Variants in CCDC170 observed in about 807,000 individuals in gnomAD.
The protein encoded by CCDC170 is coiled-coil domain-containing protein 170.
In CCDC170, 69 loss-of-function variants were observed where a neutral mutation model predicts 72.6. The observed-to-expected ratio is 0.95, with a 90% CI of 0.78 to 1.16. The LOEUF is 1.16. CCDC170 is among the 50% of genes most tolerant of loss of function. The pLI is 0.00. For synonymous variants in CCDC170, 300 were observed against 303.9 expected (o/e 0.99, Z 0.13); for missense variants, 852 against 832.5 (o/e 1.02, Z -0.29).
chr6:151,516,154 C>T (rs1238530644), intron 1 of CCDC170, among the ~76,000 whole-genome samples: 1 of 151,824 alleles, frequency 6.6e-6, no homozygotes, highest in Non-Finnish European at 1.5e-5. Flanking sequence ...TAATGCTATA[C>T]TAGAGTCAGG....
chr6:151,508,004 T>G (rs1782089426), intron 1 of CCDC170, among the ~76,000 whole-genome samples: 1 of 151,962 alleles, frequency 6.6e-6, no homozygotes, highest in African/African-American at 2.4e-5. Flanking sequence ...TAATAGAAAA[T>G]TCAGTCTTAA....
rs578050260 is a variant in CCDC170 at position 151,503,854 on chromosome 6, G to A, written c.57+9669G>A. 5.4e-4 allele frequency among the ~76,000 whole-genome samples: 82 copies of A among 152,200 alleles called. 1 individual carries two copies. Among genetic ancestry groups the A allele is most frequent in the African/African-American group, 1.9e-3 (78 of 41,518 alleles). On this transcript the variant is annotated intron_variant, in intron 1 of 10. Transcript: ENST00000239374. ...AAGTTAATCATTTGGGGCACTTTTG[G>A]CAATTGGATAAGAGGTGTGTTTTTC...
chr6:151,531,507 G>A (rs1317686136), intron 1 of CCDC170, among the ~76,000 whole-genome samples: 2 of 152,172 alleles, frequency 1.3e-5, no homozygotes, highest in African/African-American at 2.4e-5. Flanking sequence ...GAGGGACTGA[G>A]GCAGGAGGAT....
At position 151,573,390 on chromosome 6, in the gene CCDC170, G is replaced by A. The variant is rs17855718; in HGVS notation, c.991G>A (p.Ala331Thr). Residue 331 changes from alanine (A) to threonine (T), a missense_variant, in exon 6 of 11, where the codon GCA becomes ACA. By Grantham distance (58) the Ala-to-Thr change is moderately conservative (BLOSUM62 0). Coordinates refer to ENST00000239374, the MANE Select transcript of CCDC170 (RefSeq NM_025059.4). ...GTACTTCTCATTTAGGGAGAAAATC[G>A]CAGCCCTCCTTAGGGGCAGATTGAG... ...SQYFSFREKI[A>T]ALLRGRLSMT... is the part of the protein sequence containing the mutation. 3.7e-6 allele frequency: 6 copies of A among 1,614,012 alleles called. No homozygotes were observed. In the Admixed American group the frequency reaches 5.0e-5, roughly 13 times the overall value.
At chr6:151,498,967 ACTCTT>A (rs1781949294) in intron 1 of CCDC170, among the ~76,000 whole-genome samples, 2 of 150,300 alleles carry the variant, frequency 1.3e-5, no homozygotes, top group African/African-American at 4.9e-5. Context: ...ACTGTATTTG[ACTCTT>A]CTAGGCACAC....
chr6:151,602,967 G>GT (rs1420006733), intron 9 of CCDC170, among the ~76,000 whole-genome samples: 1 of 151,840 alleles, frequency 6.6e-6, no homozygotes, highest in Non-Finnish European at 1.5e-5. Flanking sequence ...TGCCCGGCTA[G>GT]TTTTTTTATT....
chr6:151,548,887 T>A (rs1229516030), intron 5 of CCDC170, among the ~76,000 whole-genome samples: 1 of 125,642 alleles, frequency 8.0e-6, no homozygotes, highest in African/African-American at 2.6e-5. Context: ...GCCCAGCTAG[T>A]TTTTTTGTTT....
Position 151,494,126 on chromosome 6 carries a change from G to C in CCDC170, c.-3G>C. The C allele has an allele frequency of 6.7e-7, 1 of 1,500,168 alleles. No homozygotes were observed. Among genetic ancestry groups the C allele is most frequent in the East Asian group, 2.9e-5 (1 of 34,434 alleles). 92.9% of individuals were successfully genotyped at this position (1,500,168 alleles called of 1,614,324 possible). On this transcript the variant is annotated 5_prime_UTR_variant, in exon 1 of 11. Coordinates refer to ENST00000239374, the MANE Select transcript of CCDC170 (RefSeq NM_025059.4). The stretch of plus-strand genomic sequence containing the variant: ...CCGAGCGCGCCCCCGGGCTCGGGTC[G>C]TCATGAGCCTGGACTGCACCAGCCA...
chr6:151,517,046 G>A lies in CCDC170; in HGVS notation c.58-19272G>A, dbSNP rs72997928. On this transcript the variant is annotated intron_variant, in intron 1 of 10. Transcript: ENST00000239374. ...GCTGCTCTTTGTTAGGAAAGAAAAT[G>A]ATTTTGGGGCCGGGCACAGTGGCTC... Among the ~76,000 whole-genome samples, 1,437 of 152,290 alleles carry A rather than the reference G, an allele frequency of 9.4e-3. 9 individuals are homozygous for A. Among genetic ancestry groups the A allele is most frequent in the Non-Finnish European group, 0.016 (1,086 of 68,018 alleles).
Position 151,545,236 on chromosome 6 carries a change from A to G in CCDC170, c.588+520A>G, listed in dbSNP as rs1208399540. Among the ~76,000 whole-genome samples, 6 of 152,164 alleles carry G rather than the reference A, an allele frequency of 3.9e-5. No individual in the cohort carries two copies. The South Asian group carries it at 8.3e-4, about 21-fold the overall frequency. On this transcript the variant is annotated intron_variant, in intron 4 of 10. Transcript: ENST00000239374. ...GGGGTTTGAGACCAGCCTGGCCAAC[A>G]TGGAGAAACCCCGTCTCTACTAAAA... is the stretch of plus-strand genomic sequence containing the variant.
intron 5 of CCDC170, among the ~76,000 whole-genome samples, chr6:151,568,321 C>A (rs1776168554): frequency 6.6e-6 from 1 of 152,054 alleles, no homozygotes; most frequent in African/African-American, 2.4e-5. Flanking sequence ...AATCACAGAA[C>A]TGAATGCCAA....
chr6:151,517,029 T>C (rs1193470366), intron 1 of CCDC170, among the ~76,000 whole-genome samples: 1 of 152,164 alleles, frequency 6.6e-6, no homozygotes, highest in Non-Finnish European at 1.5e-5. Context: ...AAGCTGCTCT[T>C]TGTTAGGAAA....
intron 1 of CCDC170, among the ~76,000 whole-genome samples, chr6:151,514,827 C>T (rs1457872263): frequency 6.6e-6 from 1 of 152,172 alleles, no homozygotes; most frequent in Non-Finnish European, 1.5e-5. Flanking sequence ...CCTCTTGCTT[C>T]AGTCTCCATT....
At chr6:151,521,708 G>A (rs921950089) in intron 1 of CCDC170, among the ~76,000 whole-genome samples, 12 of 152,220 alleles carry the variant, frequency 7.9e-5, no homozygotes, top group Admixed American at 3.3e-4. Context: ...TTCGGGCCAG[G>A]CGTGGTGGCT....
intron 9 of CCDC170, among the ~76,000 whole-genome samples, chr6:151,612,893 C>A (rs1292589202): frequency 1.3e-5 from 2 of 151,928 alleles, no homozygotes; most frequent in East Asian, 3.9e-4. Flanking sequence ...GAGAATATAC[C>A]TGAACAGTTT....
At chr6:151,558,507 A>G (rs935408467) in intron 5 of CCDC170, among the ~76,000 whole-genome samples, 29 of 152,020 alleles carry the variant, frequency 1.9e-4, no homozygotes, top group Non-Finnish European at 1.5e-5. Context: ...TCTACATTTT[A>G]TTCTAGTAGT....
intron 9 of CCDC170, among the ~76,000 whole-genome samples, chr6:151,612,371 A>C (rs1198005187): frequency 3.3e-5 from 5 of 152,242 alleles, no homozygotes; most frequent in Non-Finnish European, 1.5e-5. Context: ...CCCTTCAGCA[A>C]TACATAATCA....
chr6:151,596,709 T>C, intron 9 of CCDC170, 132 bp downstream of exon 9: 1 of 1,307,872 alleles, frequency 7.6e-7, no homozygotes, highest in Non-Finnish European at 1.0e-6. Context: ...TCTAGAATTA[T>C]GGGAAAAATG....
At chr6:151,563,154 T>A (rs186642143) in intron 5 of CCDC170, among the ~76,000 whole-genome samples, 1 of 152,076 alleles carries the variant, frequency 6.6e-6, no homozygotes, top group Admixed American at 6.5e-5. Flanking sequence ...GGGGAGGTGG[T>A]CCCTTCCCTT....
Sources: allele counts gnomAD v4.1 joint callset (sites outside exome capture counted in the v4.1 genomes callset), GRCh38; gene constraint gnomAD v4.1.1; transcripts MANE v1.5; gene names NCBI Gene and HGNC (gene_info 2026-07-23, HGNC 2026-07-21).